Variants in PLEKHA5 observed in about 807,000 individuals in gnomAD.
The protein encoded by PLEKHA5 is pleckstrin homology domain-containing family A member 5.
Under a neutral mutation model 181.9 loss-of-function variants are expected in PLEKHA5, and 55 were observed. That is an observed-to-expected ratio of 0.30 (90% CI 0.24 to 0.38). The LOEUF (loss-of-function observed/expected upper bound fraction) is 0.38, where lower values mean the gene tolerates loss of function less well. Among genes scored for constraint, PLEKHA5 ranks in the 10% least tolerant of loss-of-function variants. The pLI, the probability that PLEKHA5 is intolerant of heterozygous loss-of-function variation, is 1.00. For synonymous variants in PLEKHA5, 535 were observed against 529.4 expected (o/e 1.01, Z -0.15); for missense variants, 1,432 against 1,549.5 (o/e 0.92, Z 1.27).
intron 10 of PLEKHA5, among the ~76,000 whole-genome samples, chr12:19,270,418 T>C (rs1317279178): frequency 6.6e-6 from 1 of 152,214 alleles, no homozygotes; most frequent in East Asian, 1.9e-4. Flanking sequence ...TAATTTTTAT[T>C]GTTTTTGTAA....
chr12:19,307,895 A>G (rs2084662553), intron 15 of PLEKHA5, among the ~76,000 whole-genome samples: 1 of 151,982 alleles, frequency 6.6e-6, no homozygotes, highest in Admixed American at 6.6e-5. Flanking sequence ...CTAAAAGAAA[A>G]TTGTCTCTCT....
At chr12:19,147,510 A>G (rs1303794942) in intron 3 of PLEKHA5, among the ~76,000 whole-genome samples, 1 of 152,148 alleles carries the variant, frequency 6.6e-6, no homozygotes, top group Admixed American at 6.5e-5. Context: ...TATGTGGTAT[A>G]GGATACCCAG....
At chr12:19,212,670 A>G (rs2057153802) in intron 3 of PLEKHA5, among the ~76,000 whole-genome samples, 2 of 152,156 alleles carry the variant, frequency 1.3e-5, no homozygotes, top group African/African-American at 2.4e-5. Flanking sequence ...AAATTAATCC[A>G]TGCTCATTAG....
In PLEKHA5 at chr12:19,375,929, G is replaced by A. The variant is rs1430855268; in HGVS notation, c.*410G>A. The stretch of plus-strand genomic sequence containing the variant: ...TTAGTTATTATTTCCATTGAAGCTT[G>A]TTTTCTTTTTTTTCTTCCCATTTTA... On this transcript the variant is annotated 3_prime_UTR_variant, in exon 32 of 32. Coordinates refer to ENST00000429027, the MANE Select transcript of PLEKHA5 (RefSeq NM_001256470.2). 1 of 108,514 alleles carries A rather than the reference G, an allele frequency of 9.2e-6. No homozygotes were observed. The highest frequency in any genetic ancestry group is 2.6e-4 in the South Asian group (1 of 3,784). 6.7% of individuals were successfully genotyped at this position (108,514 alleles called of 1,614,324 possible). A position where few individuals can be genotyped will look rare whatever the true frequency, so the allele number is the denominator to read the frequency against.
intron 16 of PLEKHA5, among the ~76,000 whole-genome samples, chr12:19,318,097 C>A (rs1055408288): frequency 2.0e-5 from 3 of 151,192 alleles, no homozygotes; most frequent in East Asian, 1.9e-4. Context: ...AAAATAGCAA[C>A]CTTTTCAATT....
At chr12:19,307,217 A>G in intron 15 of PLEKHA5, 1 of 576,444 alleles carries the variant, frequency 1.7e-6, no homozygotes, top group Non-Finnish European at 3.2e-6. Context: ...TCAGGCCAGT[A>G]ATCCCAGAGC....
chr12:19,152,687 A>G (rs1425242684), intron 3 of PLEKHA5: 5 of 152,228 alleles, frequency 3.3e-5, no homozygotes, highest in African/African-American at 1.2e-4. Flanking sequence ...CCAAATGAAT[A>G]TAACATTTGT....
intron 3 of PLEKHA5, among the ~76,000 whole-genome samples, chr12:19,216,733 G>A (rs1047831535): frequency 4.6e-5 from 7 of 151,956 alleles, no homozygotes; most frequent in Non-Finnish European, 1.0e-4. Context: ...CTGGATGGCT[G>A]TGGGCTAAGA....
intron 3 of PLEKHA5, among the ~76,000 whole-genome samples, chr12:19,167,284 A>G (rs2044616234): frequency 6.6e-6 from 1 of 152,182 alleles, no homozygotes; most frequent in African/African-American, 2.4e-5. Context: ...CTTATATGAT[A>G]TATAAAAGTG....
At chr12:19,271,359 G>T (rs536731656) in intron 10 of PLEKHA5, among the ~76,000 whole-genome samples, 1 of 152,180 alleles carries the variant, frequency 6.6e-6, no homozygotes, top group African/African-American at 2.4e-5. Context: ...ACAAAAATTA[G>T]CTGGGCGTAG....
chr12:19,228,042 G>A (rs1592131982), intron 3 of PLEKHA5, among the ~76,000 whole-genome samples: 1 of 152,162 alleles, frequency 6.6e-6, no homozygotes, highest in African/African-American at 2.4e-5. Context: ...AATTGTTGTG[G>A]TGGGTCCTTA....
At chr12:19,200,975 A>G (rs1592043137) in intron 3 of PLEKHA5, 1 of 152,198 alleles carries the variant, frequency 6.6e-6, no homozygotes, top group East Asian at 1.9e-4. Flanking sequence ...TTAAAGATTT[A>G]CAAAAGAAAA....
At chr12:19,186,184 A>G (rs2049822846) in intron 3 of PLEKHA5, among the ~76,000 whole-genome samples, 1 of 152,198 alleles carries the variant, frequency 6.6e-6, no homozygotes, top group African/African-American at 2.4e-5. Context: ...TGGCTGTGCT[A>G]ATTTTGTTAG....
chr12:19,132,736 G>A (rs1466604315), intron 3 of PLEKHA5, among the ~76,000 whole-genome samples: 1 of 146,576 alleles, frequency 6.8e-6, no homozygotes, highest in Non-Finnish European at 1.5e-5. Context: ...TTTTCTTTTG[G>A]AATCGTCCAG....
At chr12:19,328,558 A>AGTGTGTGTGT (rs56041821) in intron 20 of PLEKHA5, among the ~76,000 whole-genome samples, 14 of 141,798 alleles carry the variant, frequency 9.9e-5, no homozygotes, top group South Asian at 9.5e-4. Context: ...CTTTCCTAGG[A>AGTGTGTGTGT]GTGTGTGTGT....
chr12:19,140,340 G>A (rs960128698), intron 3 of PLEKHA5, among the ~76,000 whole-genome samples: 32 of 152,166 alleles, frequency 2.1e-4, no homozygotes, highest in African/African-American at 7.0e-4. Context: ...TGGAAGAAGT[G>A]AATGTAGACT....
At position 19,142,098 on chromosome 12, in the gene PLEKHA5, G is replaced by A. The variant is rs1440737175; in HGVS notation, c.227+9648G>A. Among the ~76,000 whole-genome samples, 3 of 152,234 alleles carry A rather than the reference G, an allele frequency of 2.0e-5. 1 individual carries two copies. The highest frequency in any genetic ancestry group is 2.0e-4 in the Admixed American group (3 of 15,278). On this transcript the variant is annotated intron_variant, in intron 3 of 31. Transcript: ENST00000429027. The stretch of plus-strand genomic sequence containing the variant: ...GTTAAGGCCAGGTGCTGTGGCTCAC[G>A]CCTGTAATCCCAACACTTTGGGAGG...
In PLEKHA5 at chr12:19,135,715, C is replaced by T. The variant is rs143945407; in HGVS notation, c.227+3265C>T. Among the ~76,000 whole-genome samples the T allele has an allele frequency of 5.3e-4, 80 of 151,966 alleles. 1 individual carries two copies. The East Asian group carries it at 0.013, about 25-fold the overall frequency. On this transcript the variant is annotated intron_variant, in intron 3 of 31. Transcript: ENST00000429027. ...TAATGTAAACAAAGGACCTGATCAG[C>T]GTAAGAGTTGTATAGGTTTGAGTTA... is the stretch of plus-strand genomic sequence containing the variant.
At chr12:19,303,993 A>AG (rs74927999) in intron 15 of PLEKHA5, among the ~76,000 whole-genome samples, 76 of 150,400 alleles carry the variant, frequency 5.1e-4, no homozygotes, top group African/African-American at 1.2e-3. Flanking sequence ...TTTTTTGTAG[A>AG]GGGGGGGGTT....
Sources: gnomAD v4.1 joint callset for allele counts (sites outside exome capture counted in the v4.1 genomes callset) on GRCh38, gnomAD v4.1.1 for gene constraint, MANE v1.5 for transcripts, NCBI Gene and HGNC (gene_info 2026-07-23, HGNC 2026-07-21) for gene names.